SOCS5: variants seen among roughly 807,000 people sequenced by gnomAD.
SOCS5 encodes suppressor of cytokine signaling 5.
A neutral mutation model predicts 42.8 loss-of-function variants in SOCS5; 32 were observed. The ratio of observed to expected loss-of-function variants is 0.75; its 90% CI spans 0.56 to 1.01. The LOEUF is 1.01. SOCS5 is among the 50% of genes least tolerant of loss of function. SOCS5 has a pLI of 0.00. For missense variants in SOCS5, 627 were observed against 653.0 expected, an observed-to-expected ratio of 0.96 and a Z score of 0.43; for synonymous variants, 283 against 229.6, an observed-to-expected ratio of 1.23 and a Z score of -2.10.
At chr2:46,726,146 G>A (rs746500789) in intron 1 of SOCS5, among the ~76,000 whole-genome samples, 2 of 152,008 alleles carry the variant, frequency 1.3e-5, no homozygotes, top group Admixed American at 6.6e-5. Context: ...GCCCAGGCTG[G>A]AGTGCAGTGG....
At position 46,758,997 on chromosome 2, in the gene SOCS5, A is replaced by T; in HGVS notation, c.467A>T (p.Tyr156Phe). The T allele has an allele frequency of 6.2e-7, 1 of 1,614,014 alleles. No homozygotes were observed. The highest frequency in any genetic ancestry group is 8.5e-7 in the Non-Finnish European group (1 of 1,179,854). The change falls in exon 2 of 2, where the codon TAC (tyrosine) becomes TTC (phenylalanine). Residue 156 changes from tyrosine (Y) to phenylalanine (F), a missense_variant. Transcript: ENST00000394861. ...GGACTTCAAAGGAGAGAGAGGCGCT[A>T]CGGCGTAAGTTCTGTACACGACATG... Reference protein sequence around the residue: ...RSGLQRRERRYGVSSVHDMDS... With the variant: ...RSGLQRRERRFGVSSVHDMDS...
intron 1 of SOCS5, among the ~76,000 whole-genome samples, chr2:46,712,887 T>C (rs1427126968): frequency 1.3e-5 from 2 of 152,220 alleles, no homozygotes; most frequent in Admixed American, 1.3e-4. Context: ...TGTTTTGGTA[T>C]CAGAGTTATG....
In SOCS5 at chr2:46,760,881, G is replaced by C; in HGVS notation, c.*740G>C. On this transcript the variant is annotated 3_prime_UTR_variant, in exon 2 of 2. Transcript: ENST00000394861. ...GGAATAGCTGCTGCAATGTAGTCTT[G>C]TGTGTGATTTTTTTTTAAGTTGATG... 1 of 167,166 alleles carries C rather than the reference G, an allele frequency of 6.0e-6. No individual in the cohort carries two copies. The highest frequency in any genetic ancestry group is 2.1e-4 in the South Asian group (1 of 4,822). The allele number at this position is 167,166 out of a possible 1,614,324, so 10.4% of individuals were successfully genotyped here.
chr2:46,727,447 A>G (rs1673023731), intron 1 of SOCS5, among the ~76,000 whole-genome samples: 1 of 152,198 alleles, frequency 6.6e-6, no homozygotes, highest in African/African-American at 2.4e-5. Context: ...ATATTACATT[A>G]TAAGACTCTG....
intron 1 of SOCS5, among the ~76,000 whole-genome samples, chr2:46,749,875 G>T (rs1332392338): frequency 6.6e-6 from 1 of 152,094 alleles, no homozygotes; most frequent in African/African-American, 2.4e-5. Context: ...GACATTTGTG[G>T]CATGACCCAG....
intron 1 of SOCS5, among the ~76,000 whole-genome samples, chr2:46,752,165 G>C (rs1673635930): frequency 6.8e-6 from 1 of 147,168 alleles, no homozygotes; most frequent in South Asian, 2.1e-4. Context: ...TCAGTGTTTT[G>C]TTCTTTTTTT....
chr2:46,758,913 G>A lies in SOCS5; in HGVS notation c.383G>A (p.Cys128Tyr). ...APWGGKKKHS[C>Y]STKTQSSLDA... ...TGGGGTGGGAAGAAAAAACATTCCT[G>A]TTCTACAAAGACCCAGAGTTCATTG... Residue 128 changes from cysteine to tyrosine, a missense_variant, in exon 2 of 2, where the codon TGT becomes TAT. Coordinates refer to ENST00000394861, the MANE Select transcript of SOCS5 (RefSeq NM_144949.3). 1.2e-6 allele frequency: 2 copies of A among 1,614,000 alleles called. No homozygotes were observed. The highest frequency in any genetic ancestry group is 1.7e-6 in the Non-Finnish European group (2 of 1,179,892).
At chr2:46,722,561 T>C (rs1194261346) in intron 1 of SOCS5, among the ~76,000 whole-genome samples, 1 of 152,160 alleles carries the variant, frequency 6.6e-6, no homozygotes, top group East Asian at 1.9e-4. Flanking sequence ...GCACTAACAG[T>C]TTGTTTATCC....
intron 1 of SOCS5, among the ~76,000 whole-genome samples, chr2:46,744,564 G>A (rs1349632795): frequency 7.0e-6 from 1 of 143,308 alleles, no homozygotes; most frequent in African/African-American, 2.6e-5. Flanking sequence ...TTTTGCTCTT[G>A]TTGCCCAAGC....
At chr2:46,702,683 G>C (rs534496649) in intron 1 of SOCS5, among the ~76,000 whole-genome samples, 1 of 152,274 alleles carries the variant, frequency 6.6e-6, no homozygotes, top group African/African-American at 2.4e-5. Context: ...TAAGCTGTGA[G>C]ATTTTAGTGA....
chr2:46,703,355 T>TTG (rs1232213334), intron 1 of SOCS5, among the ~76,000 whole-genome samples: 1 of 88,934 alleles, frequency 1.1e-5, no homozygotes, highest in Non-Finnish European at 2.1e-5. Context: ...GTTTTCACAG[T>TTG]TTTTTTTTTT....
intron 1 of SOCS5, among the ~76,000 whole-genome samples, chr2:46,718,003 C>G (rs1009289411): frequency 1.3e-5 from 2 of 152,188 alleles, no homozygotes; most frequent in African/African-American, 4.8e-5. Context: ...CTCCACAGCT[C>G]CCTTCTTCTA....
chr2:46,707,791 A>T (rs1672531009), intron 1 of SOCS5, among the ~76,000 whole-genome samples: 2 of 152,216 alleles, frequency 1.3e-5, no homozygotes, highest in Non-Finnish European at 2.9e-5. Flanking sequence ...CAATGGGGTT[A>T]GTCCTGATAA....
At chr2:46,724,600 T>C (rs1180587720) in intron 1 of SOCS5, among the ~76,000 whole-genome samples, 1 of 152,110 alleles carries the variant, frequency 6.6e-6, no homozygotes, top group Non-Finnish European at 1.5e-5. Flanking sequence ...AGATATTTTC[T>C]AACTTCATTT....
At chr2:46,703,956 C>T (rs1454087296) in intron 1 of SOCS5, among the ~76,000 whole-genome samples, 1 of 152,060 alleles carries the variant, frequency 6.6e-6, no homozygotes, top group Non-Finnish European at 1.5e-5. Context: ...ATCTTAGTGA[C>T]CTGAAAATTA....
chr2:46,721,882 G>A lies in SOCS5; in HGVS notation c.-13+22433G>A, dbSNP rs41378154. ...CTTGATCCCAGTCCGCATTCAAAGT[G>A]CATGTTTTTGGTGTCAGAGGGAATT... is the stretch of plus-strand genomic sequence containing the variant. On this transcript the variant is annotated intron_variant, in intron 1 of 1. Transcript: ENST00000394861. Among the ~76,000 whole-genome samples, 473 of 152,088 alleles carry A rather than the reference G, an allele frequency of 3.1e-3. 2 individuals are homozygous for A. Among genetic ancestry groups the A allele is most frequent in the African/African-American group, 0.011 (453 of 41,506 alleles).
At chr2:46,737,700 C>T (rs899662912) in intron 1 of SOCS5, among the ~76,000 whole-genome samples, 5 of 152,130 alleles carry the variant, frequency 3.3e-5, no homozygotes, top group Admixed American at 1.3e-4. Context: ...ATTTCACAGA[C>T]GCTTTCCCAT....
chr2:46,725,777 C>T (rs534556306), intron 1 of SOCS5, among the ~76,000 whole-genome samples: 1 of 151,862 alleles, frequency 6.6e-6, no homozygotes, highest in East Asian at 1.9e-4. Context: ...CTCTTCTATC[C>T]TTTAGTAACT....
At chr2:46,733,211 C>G (rs1218859535) in intron 1 of SOCS5, among the ~76,000 whole-genome samples, 1 of 152,144 alleles carries the variant, frequency 6.6e-6, no homozygotes, top group African/African-American at 2.4e-5. Flanking sequence ...GCTCCTGTCT[C>G]AGCATCCTGA....
Sources: gnomAD v4.1 joint callset for allele counts (sites outside exome capture counted in the v4.1 genomes callset) on GRCh38, gnomAD v4.1.1 for gene constraint, MANE v1.5 for transcripts, NCBI Gene and HGNC (gene_info 2026-07-23, HGNC 2026-07-21) for gene names.